The following KLF8 variants were observed in gnomAD, a reference collection of about 807,000 sequenced individuals.
KLF8 encodes Krueppel-like factor 8.
In KLF8, 10 loss-of-function variants were observed where a neutral mutation model predicts 18.2. The ratio of observed to expected loss-of-function variants is 0.55; its 90% CI spans 0.34 to 0.93. The LOEUF (loss-of-function observed/expected upper bound fraction) is 0.93. KLF8 is among the 40% of genes least tolerant of loss of function. KLF8 has a pLI of 0.02. For missense variants in KLF8, 264 were observed against 277.9 expected, an observed-to-expected ratio of 0.95 and a Z score of 0.36; for synonymous variants, 109 against 97.3, an observed-to-expected ratio of 1.12 and a Z score of -0.71.
the KLF8 span, among the ~76,000 whole-genome samples, chrX:56,161,249 C>T: frequency 0.018 from 1,954 of 111,597 alleles, 88 homozygotes; most frequent in East Asian, 0.14. Context: ...GCATTTCTGC[C>T]GAGAGATCTT....
the KLF8 span, among the ~76,000 whole-genome samples, chrX:55,910,099 T>C: frequency 8.9e-6 from 1 of 112,206 alleles, no homozygotes; most frequent in Non-Finnish European, 1.9e-5. Context: ...CAGTTCCCGG[T>C]GCTCTGCAAT....
the KLF8 span, among the ~76,000 whole-genome samples, chrX:56,017,963 T>C: frequency 1.8e-5 from 2 of 111,921 alleles, no homozygotes; most frequent in East Asian, 5.6e-4. Flanking sequence ...AATACCAACA[T>C]ACAATGTGTA....
the KLF8 span, among the ~76,000 whole-genome samples, chrX:55,925,374 A>G: frequency 1.8e-5 from 2 of 109,335 alleles, no homozygotes; most frequent in African/African-American, 6.7e-5. Flanking sequence ...ATGAAAGGCC[A>G]TGGATTTCTG....
the KLF8 span, among the ~76,000 whole-genome samples, chrX:56,087,331 T>G: frequency 9.1e-6 from 1 of 110,197 alleles, no homozygotes; most frequent in Non-Finnish European, 1.9e-5. Flanking sequence ...ATCATGGGGG[T>G]TTATTTCTCA....
the KLF8 span, among the ~76,000 whole-genome samples, chrX:56,059,688 C>T: frequency 9.0e-6 from 1 of 110,832 alleles, no homozygotes; most frequent in African/African-American, 3.3e-5. Context: ...ATATCTGAGG[C>T]CTCTGTTCTG....
At chrX:56,071,439 T>G in the KLF8 span, among the ~76,000 whole-genome samples, 1 of 111,383 alleles carries the variant, frequency 9.0e-6, no homozygotes, top group African/African-American at 3.3e-5. Context: ...ATTAGTGTTC[T>G]AGGAGGTATC....
chrX:55,947,678 A>G, the KLF8 span, among the ~76,000 whole-genome samples: 57,938 of 110,243 alleles, frequency 0.53, 13,683 homozygotes, highest in East Asian at 0.75. Context: ...GTTGGGGATC[A>G]GAGCAGAATC....
chrX:56,192,373 CAATATT>C, the KLF8 span, among the ~76,000 whole-genome samples: 2 of 111,123 alleles, frequency 1.8e-5, no homozygotes, highest in Non-Finnish European at 3.8e-5. Context: ...CTGGAAAAAT[CAATATT>C]AATATATACT....
intron 1 of KLF8, among the ~76,000 whole-genome samples, chrX:56,238,987 G>T (rs189591686): frequency 9.0e-6 from 1 of 110,978 alleles, no homozygotes; most frequent in Non-Finnish European, 1.9e-5. Flanking sequence ...TTTTCCTCTC[G>T]TCTGGATTTC....
At chrX:56,111,924 C>T in the KLF8 span, among the ~76,000 whole-genome samples, 3 of 111,806 alleles carry the variant, frequency 2.7e-5, no homozygotes, top group Admixed American at 1.9e-4. Flanking sequence ...GACAGTATGG[C>T]GATTCCTCAA....
the KLF8 span, among the ~76,000 whole-genome samples, chrX:56,151,509 G>A: frequency 9.0e-6 from 1 of 111,324 alleles, no homozygotes; most frequent in Non-Finnish European, 1.9e-5. Context: ...GGGGTGGTAG[G>A]AAGTATGAGA....
chrX:56,076,846 G>A, the KLF8 span, among the ~76,000 whole-genome samples: 1 of 112,121 alleles, frequency 8.9e-6, no homozygotes, highest in African/African-American at 3.2e-5. Context: ...ACTGATGTGA[G>A]ATGATATCTC....
At chrX:56,204,515 G>T in the KLF8 span, among the ~76,000 whole-genome samples, 2 of 111,289 alleles carry the variant, frequency 1.8e-5, no homozygotes, top group African/African-American at 6.5e-5. Context: ...TCAAGAAAAG[G>T]TTTTCACTGT....
the KLF8 span, among the ~76,000 whole-genome samples, chrX:56,009,054 C>T: frequency 9.0e-6 from 1 of 110,997 alleles, no homozygotes; most frequent in Non-Finnish European, 1.9e-5. Context: ...AGCAACATTA[C>T]CCCCAGCACC....
the KLF8 span, among the ~76,000 whole-genome samples, chrX:56,139,994 CAT>C: frequency 8.9e-6 from 1 of 111,976 alleles, no homozygotes. Context: ...CAAAAGAAGA[CAT>C]ATATGCAGCC....
At chrX:56,187,991 C>T in the KLF8 span, among the ~76,000 whole-genome samples, 1 of 111,540 alleles carries the variant, frequency 9.0e-6, no homozygotes, top group Non-Finnish European at 1.9e-5. Context: ...TCTCACCACT[C>T]CTATTCAACA....
the KLF8 span, among the ~76,000 whole-genome samples, chrX:56,072,180 A>G: frequency 1.8e-5 from 2 of 111,900 alleles, no homozygotes; most frequent in Admixed American, 9.5e-5. Flanking sequence ...GAGCTCTTTA[A>G]TGTTAAATAA....
the KLF8 span, among the ~76,000 whole-genome samples, chrX:56,138,965 G>C: frequency 1.4e-4 from 15 of 110,711 alleles, no homozygotes; most frequent in African/African-American, 4.6e-4. Flanking sequence ...ACAACTTCAG[G>C]AAGGTTTTAG....
chrX:56,105,391 G>T, the KLF8 span, among the ~76,000 whole-genome samples: 13 of 111,348 alleles, frequency 1.2e-4, no homozygotes, highest in African/African-American at 4.2e-4. Flanking sequence ...TATGAGTCTG[G>T]GTAGTGCTGT....
Sources: gnomAD v4.1 joint callset for allele counts (sites outside exome capture counted in the v4.1 genomes callset) on GRCh38, gnomAD v4.1.1 for gene constraint, MANE v1.5 for transcripts, NCBI Gene and HGNC (gene_info 2026-07-23, HGNC 2026-07-21) for gene names.